Variants in CLASP2 observed in about 807,000 individuals in gnomAD.
The protein encoded by CLASP2 is CLIP-associating protein 2.
Under a neutral mutation model 194.4 loss-of-function variants are expected in CLASP2, and 47 were observed. The ratio of observed to expected loss-of-function variants is 0.24; its 90% CI spans 0.19 to 0.31. The LOEUF (loss-of-function observed/expected upper bound fraction) is 0.31, where lower values mean the gene tolerates loss of function less well. CLASP2 is among the 10% of genes least tolerant of loss of function. The pLI is 1.00. For synonymous variants in CLASP2, 619 were observed against 633.5 expected, an observed-to-expected ratio of 0.98 and a Z score of 0.34; for missense variants, 1,445 against 1,823.6, an observed-to-expected ratio of 0.79 and a Z score of 3.78.
intron 6 of CLASP2, among the ~76,000 whole-genome samples, chr3:33,676,563 T>A (rs1267892682): frequency 6.6e-6 from 1 of 151,566 alleles, no homozygotes; most frequent in Non-Finnish European, 1.5e-5. Context: ...CAAGATGGAT[T>A]AAAGACTTAA....
rs770483041 is a variant in CLASP2, at chr3:33,622,293, A to G, written c.1036-13T>C. 1 of 1,445,368 alleles carries G rather than the reference A, an allele frequency of 6.9e-7. No homozygotes were observed. The highest frequency in any genetic ancestry group is 9.2e-7 in the Non-Finnish European group (1 of 1,091,698). 89.5% of individuals were successfully genotyped at this position (1,445,368 alleles called of 1,614,324 possible). A position where few individuals can be genotyped will look rare whatever the true frequency, so the allele number is the denominator to read the frequency against. ...GAATTTTCTTCAGCTGAAATAAAGA[A>G]TTTTCATTATTGACAAAAAAGGTGG... On this transcript the variant is annotated splice_polypyrimidine_tract_variant and intron_variant, in intron 10 of 38. Transcript: ENST00000682230.
At chr3:33,550,612 C>T (rs1159991193) in intron 30 of CLASP2, among the ~76,000 whole-genome samples, 3 of 150,910 alleles carry the variant, frequency 2.0e-5, no homozygotes, top group African/African-American at 7.3e-5. Context: ...TAGCCATACA[C>T]ATGTAGCAGA....
At position 33,560,862 on chromosome 3, in the gene CLASP2, G is replaced by A. The variant is rs373215296; in HGVS notation, c.2876C>T (p.Ala959Val). The A allele has an allele frequency of 2.5e-6, 4 of 1,613,754 alleles. No homozygotes were observed. The African/African-American group carries it at 4.0e-5, about 16-fold the overall frequency. Residue 959 changes from alanine (A) to valine (V), a missense_variant, in exon 28 of 39, where the codon GCT (alanine) becomes GTT (valine). By Grantham distance (64) the Ala-to-Val change is moderately conservative. Around this residue, in one of 4 missense-constraint regions of CLASP2, gnomAD observed 732 missense variants for 987.9 expected, o/e 0.74. Coordinates refer to ENST00000682230, the MANE Select transcript of CLASP2 (RefSeq NM_001365631.1). ...LLTQLLKKMG[A>V]DLLGSVQAKV... is the part of the protein sequence containing the mutation. ...TGCCTGAACAGATCCAAGCAAATCA[G>A]CACCCATTTTTTTTAGTAGTTGTGT...
chr3:33,537,402 G>A lies in CLASP2; in HGVS notation c.3558+1387C>T, dbSNP rs940827514. 2.0e-5 allele frequency among the ~76,000 whole-genome samples: 3 copies of A among 152,180 alleles called. No individual in the cohort carries two copies. In the South Asian group the frequency reaches 6.2e-4, roughly 32 times the overall value. Reference sequence around the variant, plus strand: ...AAAGATGGCAGGAAGGCAGAGGAAGGAGCCCTTTGGAGATGTGCTGAAGCA... The same window carrying A: ...AAAGATGGCAGGAAGGCAGAGGAAGAAGCCCTTTGGAGATGTGCTGAAGCA... On this transcript the variant is annotated intron_variant, in intron 33 of 38. Transcript: ENST00000682230.
chr3:33,680,285 T>C (rs1227185368), intron 6 of CLASP2, among the ~76,000 whole-genome samples: 1 of 152,368 alleles, frequency 6.6e-6, no homozygotes. Context: ...ACACATGTCA[T>C]TGTACATCTG....
chr3:33,516,241 T>C (rs977004811), intron 35 of CLASP2, 90 bp from the exon 36 acceptor site: 8 of 1,251,250 alleles, frequency 6.4e-6, no homozygotes, highest in Non-Finnish European at 8.6e-6. Flanking sequence ...GTCTTAATAT[T>C]GGGGGAGGAG....
chr3:33,589,578 C>G (rs1349255476), intron 21 of CLASP2, among the ~76,000 whole-genome samples: 1 of 151,974 alleles, frequency 6.6e-6, no homozygotes, highest in Non-Finnish European at 1.5e-5. Flanking sequence ...AGCAAACAAA[C>G]AAAAGTCCCT....
At chr3:33,621,416 T>C (rs1577326021) in intron 11 of CLASP2, among the ~76,000 whole-genome samples, 1 of 152,228 alleles carries the variant, frequency 6.6e-6, no homozygotes, top group African/African-American at 2.4e-5. Flanking sequence ...CTGGGACTTG[T>C]ATCTTGCAAC....
In CLASP2 at chr3:33,625,512, C is replaced by A. The variant is rs1421840694; in HGVS notation, c.1035+1476G>T. On this transcript the variant is annotated intron_variant, in intron 10 of 38. Coordinates refer to ENST00000682230, the MANE Select transcript of CLASP2 (RefSeq NM_001365631.1). ...TACTGAATGAGCACCATTTGTTAAG[C>A]CAAAAAAAAAAAAGCAAGTTTCTAA... is the stretch of plus-strand genomic sequence containing the variant. Among the ~76,000 whole-genome samples, 90 of 145,260 alleles carry A rather than the reference C, an allele frequency of 6.2e-4. 1 individual carries two copies. Among genetic ancestry groups the A allele is most frequent in the Non-Finnish European group, 9.5e-4 (63 of 66,444 alleles).
intron 6 of CLASP2, 108 bp from the exon 7 acceptor site, chr3:33,663,623 G>T: frequency 1.4e-6 from 1 of 725,488 alleles, no homozygotes; most frequent in Non-Finnish European, 2.3e-6. Flanking sequence ...TAGGGATTCA[G>T]CTAGTTTTCT....
chr3:33,576,865 C>A (rs1417943115), intron 23 of CLASP2, among the ~76,000 whole-genome samples: 1 of 151,670 alleles, frequency 6.6e-6, no homozygotes, highest in Non-Finnish European at 1.5e-5. Context: ...GCTTTCTATA[C>A]CATCATTTAC....
chr3:33,673,451 A>C (rs901645544), intron 6 of CLASP2, among the ~76,000 whole-genome samples: 1 of 152,210 alleles, frequency 6.6e-6, no homozygotes, highest in African/African-American at 2.4e-5. Context: ...AGCACTAAAC[A>C]TGGAAAGGAA....
In CLASP2 at chr3:33,669,121, A is replaced by C. The variant is rs551752992; in HGVS notation, c.645-5606T>G. On this transcript the variant is annotated intron_variant, in intron 6 of 38. Coordinates refer to ENST00000682230, the MANE Select transcript of CLASP2 (RefSeq NM_001365631.1). ...TCATCATTTTGAGCATAGATGCAAA[A>C]ATTCTAAGCACATATGTGCACACTT... is the stretch of plus-strand genomic sequence containing the variant. Among the ~76,000 whole-genome samples, 17 of 152,342 alleles carry C rather than the reference A, an allele frequency of 1.1e-4. 1 individual carries two copies. The South Asian group carries it at 3.1e-3, about 28-fold the overall frequency.
chr3:33,540,405 T>G (rs1330752843), intron 32 of CLASP2, among the ~76,000 whole-genome samples: 1 of 151,978 alleles, frequency 6.6e-6, no homozygotes, highest in Non-Finnish European at 1.5e-5. Flanking sequence ...CTAGGCTGAT[T>G]TAAAAAAATT....
At chr3:33,655,132 C>A (rs748910045) in intron 7 of CLASP2, among the ~76,000 whole-genome samples, 16 of 152,114 alleles carry the variant, frequency 1.1e-4, no homozygotes, top group Non-Finnish European at 2.1e-4. Context: ...ATTTCAACTA[C>A]TTAAATTTTC....
rs967777132 is a variant in CLASP2 at position 33,608,543 on chromosome 3, GAGGA to G, written c.1448+20_1448+23del. The G allele has an allele frequency of 1.3e-6, 2 of 1,582,462 alleles. No individual in the cohort carries two copies. Among genetic ancestry groups the G allele is most frequent in the Non-Finnish European group, 1.7e-6 (2 of 1,155,162 alleles). ...CTGGTGACAATGGGGAGGAAAGTGG[GAGGA>G]AGGAAGAGGGAATGCATACCTTTCC... is the stretch of plus-strand genomic sequence containing the variant. On this transcript the variant is annotated intron_variant, in intron 14 of 38. Coordinates refer to ENST00000682230, the MANE Select transcript of CLASP2 (RefSeq NM_001365631.1).
At position 33,664,761 on chromosome 3, in the gene CLASP2, A is replaced by T. The variant is rs1559572596; in HGVS notation, c.645-1246T>A. 3.9e-5 allele frequency among the ~76,000 whole-genome samples: 6 copies of T among 152,274 alleles called. No homozygotes were observed. The South Asian group carries it at 1.0e-3, about 26-fold the overall frequency. On this transcript the variant is annotated intron_variant, in intron 6 of 38. Transcript: ENST00000682230. Reference sequence around the variant, plus strand: ...ACCAAGCAGGTTGCCCAGACACAAGAGGTGGACATAAGATAGAAGGAAGCA... The same window carrying T: ...ACCAAGCAGGTTGCCCAGACACAAGTGGTGGACATAAGATAGAAGGAAGCA...
intron 7 of CLASP2, chr3:33,659,062 G>A: frequency 2.0e-6 from 3 of 1,527,568 alleles, no homozygotes; most frequent in Non-Finnish European, 1.7e-6. Context: ...CAGTGCCTGC[G>A]CCACTGGGCT....
intron 7 of CLASP2, among the ~76,000 whole-genome samples, chr3:33,648,987 T>G (rs1414200472): frequency 6.6e-6 from 1 of 152,218 alleles, no homozygotes; most frequent in East Asian, 1.9e-4. Context: ...CTCCTATGAC[T>G]ACATAAAAAG....
Sources: gnomAD v4.1 joint callset for allele counts (sites outside exome capture counted in the v4.1 genomes callset) on GRCh38, gnomAD v4.1.1 for gene constraint, gnomAD v4.1.1 regional missense constraint, MANE v1.5 for transcripts, NCBI Gene and HGNC (gene_info 2026-07-23, HGNC 2026-07-21) for gene names.